Variants in SERPINE3 observed in about 807,000 individuals in gnomAD.
SERPINE3 encodes the protein serpin family E member 3.
In SERPINE3, 43 loss-of-function variants were observed where a neutral mutation model predicts 41.7. The ratio of observed to expected loss-of-function variants is 1.03; its 90% CI spans 0.81 to 1.33. The LOEUF is 1.33. Ranked by LOEUF, SERPINE3 falls within the 40% of genes most tolerant of loss-of-function variation. The pLI is 0.00. For missense variants in SERPINE3, 440 were observed against 491.7 expected (o/e 0.89, Z 0.99); for synonymous variants, 200 against 192.2 (o/e 1.04, Z -0.34).
intron 5 of SERPINE3, among the ~76,000 whole-genome samples, chr13:51,347,457 T>A (rs1382714319): frequency 6.6e-6 from 1 of 152,166 alleles, no homozygotes; most frequent in African/African-American, 2.4e-5. Flanking sequence ...GACACAGATG[T>A]GGAAGAGAAA....
chr13:51,340,288 T>A (rs1195674972), intron 1 of SERPINE3, among the ~76,000 whole-genome samples: 1 of 152,206 alleles, frequency 6.6e-6, no homozygotes, highest in African/African-American at 2.4e-5. Flanking sequence ...TACTTTGCCT[T>A]TCTCTTCTTG....
At position 51,351,955 on chromosome 13, in the gene SERPINE3, CTAAGTT is replaced by C. The variant is rs144973024; in HGVS notation, c.900-3085_900-3080del. Reference sequence around the variant, plus strand: ...GTCAAAATCAATTGCCCATAAATGTCTAAGTTTATTTCTGGACTTTCAATTCTATCC... The same window carrying C: ...GTCAAAATCAATTGCCCATAAATGTCTATTTCTGGACTTTCAATTCTATCC... On this transcript the variant is annotated intron_variant, in intron 6 of 9. Transcript: ENST00000681248. 8.7e-3 allele frequency among the ~76,000 whole-genome samples: 1,324 copies of C among 152,164 alleles called. 21 individuals carry two copies. The highest frequency in any genetic ancestry group is 0.029 in the African/African-American group (1,225 of 41,538).
intron 6 of SERPINE3, among the ~76,000 whole-genome samples, chr13:51,353,220 G>T (rs1387589406): frequency 1.3e-5 from 2 of 151,776 alleles, no homozygotes; most frequent in African/African-American, 2.4e-5. Context: ...TATGAAAAAT[G>T]ATATTATCCA....
chr13:51,350,784 G>A (rs1344309605), intron 6 of SERPINE3, among the ~76,000 whole-genome samples: 1 of 152,082 alleles, frequency 6.6e-6, no homozygotes, highest in Non-Finnish European at 1.5e-5. Flanking sequence ...TCCATTAGCA[G>A]TCACTCCCAG....
Position 51,344,486 on chromosome 13 carries a change from G to A in SERPINE3, c.490+1G>A. 6.4e-7 allele frequency: 1 copy of A among 1,565,260 alleles called. No individual in the cohort carries two copies. The highest frequency in any genetic ancestry group is 8.7e-7 in the Non-Finnish European group (1 of 1,153,324). ...GAAGGGGCCTCCAGAGAGACTGCAG[G>A]TAAAAGAAAACTGTACATTTCAACA... On this transcript the variant is annotated splice_donor_variant, in intron 4 of 9. Coordinates refer to ENST00000681248, the MANE Select transcript of SERPINE3 (RefSeq NM_001386375.1). LOFTEE classifies it high-confidence loss of function.
intron 7 of SERPINE3, among the ~76,000 whole-genome samples, chr13:51,355,423 G>A (rs538647257): frequency 4.6e-5 from 7 of 152,136 alleles, no homozygotes; most frequent in East Asian, 1.9e-4. Flanking sequence ...CCCTCTAACC[G>A]TCATGACTAG....
chr13:51,341,562 C>T (rs1955292312), intron 3 of SERPINE3, among the ~76,000 whole-genome samples: 1 of 152,204 alleles, frequency 6.6e-6, no homozygotes, highest in Non-Finnish European at 1.5e-5. Flanking sequence ...AGAGTGATCA[C>T]TGGACAGGTC....
Position 51,364,369 on chromosome 13 carries a change from G to T in SERPINE3, c.*87G>T. 2 of 712,148 alleles carry T rather than the reference G, an allele frequency of 2.8e-6. No homozygotes were observed. The highest frequency in any genetic ancestry group is 4.4e-6 in the Non-Finnish European group (2 of 452,742). 44.1% of individuals were successfully genotyped at this position (712,148 alleles called of 1,614,324 possible). ...ACCCTTGAAATTTAAAAAAATGTCT[G>T]ATAAAGTGTAAAAAGCTAAGGGTAT... On this transcript the variant is annotated 3_prime_UTR_variant, in exon 10 of 10. Transcript: ENST00000681248.
chr13:51,364,176 C>A, intron 9 of SERPINE3, 63 bp from the exon 10 acceptor site: 1 of 790,148 alleles, frequency 1.3e-6, no homozygotes, highest in Non-Finnish European at 1.9e-6. Flanking sequence ...TAGAAGTAAA[C>A]AAAGCTTAAA....
intron 5 of SERPINE3, among the ~76,000 whole-genome samples, 182 bp from the exon 6 acceptor site, chr13:51,348,031 G>C (rs182632237): frequency 3.4e-4 from 52 of 152,174 alleles, no homozygotes; most frequent in African/African-American, 1.3e-3. Flanking sequence ...TCTAGGTCTA[G>C]GATTTTTATA....
At position 51,361,892 on chromosome 13, in the gene SERPINE3, A is replaced by G; in HGVS notation, c.1170A>G (p.Thr390=). The stretch of plus-strand genomic sequence containing the variant: ...TCTATTTCCTGAGAGAACCTAACAC[A>G]GGTATTACAGTATTTTTTGACAGGA... ...PFIYFLREPN[T]GFVFSIGRVS... is the part of the protein sequence containing the mutation. Residue 390 remains threonine, a splice_region_variant and synonymous_variant, in exon 9 of 10, where the codon ACA becomes ACG. Coordinates refer to ENST00000681248, the MANE Select transcript of SERPINE3 (RefSeq NM_001386375.1). 6.2e-7 allele frequency: 1 copy of G among 1,611,610 alleles called. No homozygotes were observed.
chr13:51,360,428 T>C (rs904293076), intron 7 of SERPINE3, among the ~76,000 whole-genome samples: 5 of 152,034 alleles, frequency 3.3e-5, no homozygotes, highest in Non-Finnish European at 7.4e-5. Context: ...AATGAAAGGA[T>C]TGGACTGAAT....
intron 7 of SERPINE3, among the ~76,000 whole-genome samples, chr13:51,360,316 G>T (rs1955552353): frequency 6.6e-6 from 1 of 151,934 alleles, no homozygotes; most frequent in Non-Finnish European, 1.5e-5. Flanking sequence ...GGCAGTGTTT[G>T]AATGGAGGAG....
At chr13:51,342,902 C>T (rs539203372) in intron 3 of SERPINE3, among the ~76,000 whole-genome samples, 7 of 152,320 alleles carry the variant, frequency 4.6e-5, no homozygotes, top group African/African-American at 1.4e-4. Flanking sequence ...TAGGCTGATT[C>T]ATGAGATCAA....
Position 51,348,295 on chromosome 13 carries a change from G to A in SERPINE3, c.783G>A (p.Val261=), listed in dbSNP as rs1222682923. 6.2e-7 allele frequency: 1 copy of A among 1,612,340 alleles called. No individual in the cohort carries two copies. The highest frequency in any genetic ancestry group is 1.3e-5 in the African/African-American group (1 of 74,980). Residue 261 remains valine (V), a synonymous_variant, in exon 6 of 10, where the codon GTG becomes GTA. Transcript: ENST00000681248. ...YLGSAVSLFL[V]LPRDKDTPLS... Reference sequence around the variant, plus strand: ...GAAGTGCAGTGAGTCTGTTCCTGGTGCTGCCCCGTGACAAAGACACCCCCC... The same window carrying A: ...GAAGTGCAGTGAGTCTGTTCCTGGTACTGCCCCGTGACAAAGACACCCCCC...
At position 51,344,289 on chromosome 13, in the gene SERPINE3, C is replaced by G; in HGVS notation, c.294C>G (p.Ala98=). Residue 98 remains alanine, a synonymous_variant, in exon 4 of 10, where the codon GCC becomes GCG. Coordinates refer to ENST00000681248, the MANE Select transcript of SERPINE3 (RefSeq NM_001386375.1). ...AAGATTTCTTGCATGCTGTTTATGC[C>G]ACACTACCCACCTCCAGCCAAGGCA... ...RVKDFLHAVY[A]TLPTSSQGTE... 1 of 1,613,900 alleles carries G rather than the reference C, an allele frequency of 6.2e-7. No individual in the cohort carries two copies. The highest frequency in any genetic ancestry group is 8.5e-7 in the Non-Finnish European group (1 of 1,179,862).
At chr13:51,361,937 T>A in intron 9 of SERPINE3, 44 bp downstream of exon 9, 1 of 1,611,998 alleles carries the variant, frequency 6.2e-7, no homozygotes, top group Non-Finnish European at 8.5e-7. Context: ...TTTATCAGTG[T>A]CTCTCTAGCA....
intron 6 of SERPINE3, among the ~76,000 whole-genome samples, chr13:51,350,176 G>T (rs1955390643): frequency 6.6e-6 from 1 of 152,140 alleles, no homozygotes; most frequent in South Asian, 2.1e-4. Context: ...ATGCAAAATT[G>T]TGTGACTATG....
intron 3 of SERPINE3, among the ~76,000 whole-genome samples, chr13:51,342,872 T>C (rs1182348092): frequency 6.6e-6 from 1 of 152,184 alleles, no homozygotes; most frequent in East Asian, 1.9e-4. Flanking sequence ...CTTACTACAC[T>C]CAAATGCAAG....
Sources: gnomAD v4.1 joint callset for allele counts (sites outside exome capture counted in the v4.1 genomes callset) on GRCh38, gnomAD v4.1.1 for gene constraint, MANE v1.5 for transcripts, NCBI Gene and HGNC (gene_info 2026-07-23, HGNC 2026-07-21) for gene names.